GLIS3: variants seen among roughly 807,000 people sequenced by gnomAD.
GLIS3 encodes the protein zinc finger protein GLIS3.
Under a neutral mutation model 78.6 loss-of-function variants are expected in GLIS3, and 53 were observed. That is an observed-to-expected ratio of 0.67 (90% CI 0.54 to 0.85). The LOEUF (loss-of-function observed/expected upper bound fraction) is 0.85. GLIS3 is among the 40% of genes least tolerant of loss of function. GLIS3 has a pLI of 0.00. For missense variants in GLIS3, 1,703 were observed against 1,231.1 expected, an observed-to-expected ratio of 1.38 and a Z score of -5.74; for synonymous variants, 684 against 509.9, an observed-to-expected ratio of 1.34 and a Z score of -4.60.
the GLIS3 span, among the ~76,000 whole-genome samples, chr9:4,458,297 T>C: frequency 0.21 from 31,613 of 152,146 alleles, 3,431 homozygotes; most frequent in South Asian, 0.26. Context: ...TTCTAGGCAC[T>C]GGGGACACAG....
intron 2 of GLIS3, among the ~76,000 whole-genome samples, chr9:4,208,228 A>C (rs926276946): frequency 1.1e-4 from 17 of 152,206 alleles, no homozygotes; most frequent in African/African-American, 4.1e-4. Flanking sequence ...ATACGACAAC[A>C]AGTAGACATT....
chr9:4,044,822 GC>G (rs1825117780), intron 4 of GLIS3, among the ~76,000 whole-genome samples: 2 of 152,302 alleles, frequency 1.3e-5, no homozygotes, highest in African/African-American at 4.8e-5. Flanking sequence ...TTATCTTTGG[GC>G]AGATCCATTC....
At chr9:4,098,323 T>C (rs1051131965) in intron 4 of GLIS3, among the ~76,000 whole-genome samples, 1 of 152,218 alleles carries the variant, frequency 6.6e-6, no homozygotes, top group African/African-American at 2.4e-5. Context: ...GATGTCCCTC[T>C]GTGACACAAG....
At chr9:4,330,498 G>C (rs760312721) in intron 2 of GLIS3, among the ~76,000 whole-genome samples, 20 of 152,228 alleles carry the variant, frequency 1.3e-4, no homozygotes, top group Admixed American at 2.6e-4. Flanking sequence ...AAAGATCCCA[G>C]AGAAATTAAA....
At chr9:4,273,772 T>C (rs1420146038) in intron 2 of GLIS3, among the ~76,000 whole-genome samples, 1 of 152,140 alleles carries the variant, frequency 6.6e-6, no homozygotes, top group Admixed American at 6.5e-5. Flanking sequence ...TCGAAGATTC[T>C]CTGATGCTCA....
At chr9:4,070,349 A>G (rs1827483083) in intron 4 of GLIS3, among the ~76,000 whole-genome samples, 1 of 152,198 alleles carries the variant, frequency 6.6e-6, no homozygotes, top group South Asian at 2.1e-4. Flanking sequence ...AAATTGACAA[A>G]GACTGCTTAC....
At chr9:4,353,329 A>ATGATCTGATTTTGTGAAGTCTCGG (rs1383052119), upstream of GLIS3, among the ~76,000 whole-genome samples, 1 of 152,152 alleles carries the variant, frequency 6.6e-6, no homozygotes, top group African/African-American at 2.4e-5. Flanking sequence ...TGCTTGCTAT[A>ATGATCTGATTTTGTGAAGTCTCGG]TGATCTGATT....
intron 2 of GLIS3, among the ~76,000 whole-genome samples, chr9:4,318,512 G>A (rs1477385553): frequency 6.6e-6 from 1 of 152,110 alleles, no homozygotes; most frequent in Non-Finnish European, 1.5e-5. Context: ...AATAACATAG[G>A]AGCCAGCTTG....
At chr9:4,334,380 G>C (rs866752032) in intron 2 of GLIS3, among the ~76,000 whole-genome samples, 2 of 152,200 alleles carry the variant, frequency 1.3e-5, no homozygotes, top group Non-Finnish European at 2.9e-5. Flanking sequence ...GACAGAAAAG[G>C]TTGGCTGTCA....
chr9:3,895,809 T>A (rs1173800756), intron 7 of GLIS3, among the ~76,000 whole-genome samples: 1 of 152,218 alleles, frequency 6.6e-6, no homozygotes, highest in Admixed American at 6.5e-5. Context: ...ACACCACAAG[T>A]CCTCAATCGT....
At chr9:4,258,872 C>G (rs1014406564) in intron 2 of GLIS3, among the ~76,000 whole-genome samples, 1 of 152,204 alleles carries the variant, frequency 6.6e-6, no homozygotes, top group African/African-American at 2.4e-5. Context: ...ATCCAAGCAA[C>G]CTTCCACATT....
At chr9:4,232,259 T>C (rs1822320047) in intron 2 of GLIS3, among the ~76,000 whole-genome samples, 2 of 151,020 alleles carry the variant, frequency 1.3e-5, no homozygotes, top group African/African-American at 2.4e-5. Context: ...TGCACCTCTG[T>C]AGTACCAGCT....
At chr9:3,922,687 G>T (rs923886363) in intron 6 of GLIS3, among the ~76,000 whole-genome samples, 3 of 151,966 alleles carry the variant, frequency 2.0e-5, no homozygotes, top group African/African-American at 7.3e-5. Context: ...GGTTCTAAGT[G>T]TTCACAAACT....
At chr9:4,157,433 T>A (rs1248295985) in intron 2 of GLIS3, among the ~76,000 whole-genome samples, 4 of 152,148 alleles carry the variant, frequency 2.6e-5, no homozygotes. Flanking sequence ...CAATGAAATG[T>A]TCATCTCATG....
At chr9:4,065,937 T>G (rs1309158664) in intron 4 of GLIS3, among the ~76,000 whole-genome samples, 1 of 151,892 alleles carries the variant, frequency 6.6e-6, no homozygotes, top group Non-Finnish European at 1.5e-5. Context: ...AATAGATTTT[T>G]GGCACATAAA....
At chr9:4,170,857 G>A (rs1216176508) in intron 2 of GLIS3, among the ~76,000 whole-genome samples, 1 of 152,142 alleles carries the variant, frequency 6.6e-6, no homozygotes, top group African/African-American at 2.4e-5. Context: ...AAATCCTCAT[G>A]AATTCTCATA....
intron 2 of GLIS3, among the ~76,000 whole-genome samples, chr9:4,325,683 C>A (rs1489851875): frequency 6.6e-6 from 1 of 152,120 alleles, no homozygotes; most frequent in Admixed American, 6.5e-5. Context: ...GAGCCAAAAT[C>A]AACTCTCTTT....
intron 4 of GLIS3, among the ~76,000 whole-genome samples, chr9:3,954,073 T>G (rs1418137748): frequency 1.3e-5 from 2 of 152,238 alleles, no homozygotes; most frequent in Non-Finnish European, 2.9e-5. Flanking sequence ...TATTTAACAC[T>G]AATCTGTTCT....
chr9:4,022,157 T>A (rs1822939361), intron 4 of GLIS3, among the ~76,000 whole-genome samples: 1 of 152,026 alleles, frequency 6.6e-6, no homozygotes, highest in Non-Finnish European at 1.5e-5. Flanking sequence ...TACAGCAGCC[T>A]GCTAAAATGT....
Sources: allele counts gnomAD v4.1 joint callset (sites outside exome capture counted in the v4.1 genomes callset), GRCh38; gene constraint gnomAD v4.1.1; transcripts MANE v1.5; gene names NCBI Gene and HGNC (gene_info 2026-07-23, HGNC 2026-07-21).